NCOA1: variants seen among roughly 807,000 people sequenced by gnomAD.
The protein encoded by NCOA1 is Hin-2 protein.
Under a neutral mutation model 150.9 loss-of-function variants are expected in NCOA1, and 35 were observed. The ratio of observed to expected loss-of-function variants is 0.23; its 90% CI spans 0.18 to 0.31. The LOEUF (loss-of-function observed/expected upper bound fraction) is 0.31, where lower values mean the gene tolerates loss of function less well. Ranked by LOEUF, NCOA1 falls within the 10% of genes least tolerant of loss-of-function variation. The pLI is 1.00. For synonymous variants in NCOA1, 590 were observed against 630.0 expected (o/e 0.94, Z 0.95); for missense variants, 1,491 against 1,749.3 (o/e 0.85, Z 2.63).
intron 22 of NCOA1, chr2:24,767,983 A>G (rs996498117): frequency 1.2e-5 from 15 of 1,221,738 alleles, no homozygotes; most frequent in Admixed American, 3.5e-5. Flanking sequence ...TGGCAACCCT[A>G]TAGGAGGCGT....
Position 24,752,091 on chromosome 2 carries a change from A to G in NCOA1, c.3816A>G (p.Pro1272=). 1 of 1,614,138 alleles carries G rather than the reference A, an allele frequency of 6.2e-7. No homozygotes were observed. The highest frequency in any genetic ancestry group is 2.2e-5 in the East Asian group (1 of 44,884). ...AGAGTTCTCTTCTCCAGCAAACTCC[A>G]CCTGCCTCCGGGTATCAGTCACCAG... is the stretch of plus-strand genomic sequence containing the variant. ...PPQSSLLQQT[P]PASGYQSPDM... is the part of the protein sequence containing the mutation. Residue 1272 remains proline, a synonymous_variant, in exon 20 of 23, where the codon CCA becomes CCG. Coordinates refer to ENST00000348332, the MANE Select transcript of NCOA1 (RefSeq NM_003743.5).
intron 3 of NCOA1, among the ~76,000 whole-genome samples, chr2:24,597,935 C>T (rs758162425): frequency 6.6e-6 from 1 of 152,120 alleles, no homozygotes; most frequent in Non-Finnish European, 1.5e-5. Context: ...CATTTCCCCC[C>T]TCCCCACAAC....
At chr2:24,672,133 AT>A (rs1217853063) in intron 6 of NCOA1, among the ~76,000 whole-genome samples, 1 of 58,342 alleles carries the variant, frequency 1.7e-5, no homozygotes, top group Non-Finnish European at 5.4e-5. Flanking sequence ...GTTTATATAT[AT>A]AACAATATAT....
chr2:24,620,757 A>G (rs1367658146), intron 3 of NCOA1, among the ~76,000 whole-genome samples: 2 of 152,206 alleles, frequency 1.3e-5, no homozygotes, highest in East Asian at 1.9e-4. Flanking sequence ...ATTTTATACA[A>G]ATGTGTTAAG....
At chr2:24,615,419 GA>G (rs1363516611) in intron 3 of NCOA1, among the ~76,000 whole-genome samples, 1 of 152,148 alleles carries the variant, frequency 6.6e-6, no homozygotes, top group Non-Finnish European at 1.5e-5. Context: ...ACATAAAATA[GA>G]ACCTGTAATA....
intron 3 of NCOA1, among the ~76,000 whole-genome samples, chr2:24,595,228 C>T (rs980556163): frequency 6.6e-6 from 1 of 152,014 alleles, no homozygotes; most frequent in African/African-American, 2.4e-5. Flanking sequence ...ATAAATATAA[C>T]TTGTTTTTTA....
rs566876933 is a variant in NCOA1 at position 24,628,953 on chromosome 2, G to A, written c.-174-15013G>A. ...GGTGTGTAAGCAGGATTAGAATAGT[G>A]GATTTGTGTGTGTGCAGGGGAATAG... is the stretch of plus-strand genomic sequence containing the variant. On this transcript the variant is annotated intron_variant, in intron 3 of 22. Transcript: ENST00000348332. 4.6e-5 allele frequency among the ~76,000 whole-genome samples: 7 copies of A among 152,228 alleles called. No homozygotes were observed. In the South Asian group the frequency reaches 1.5e-3, roughly 32 times the overall value.
chr2:24,680,200 T>A (rs779884591), intron 7 of NCOA1, among the ~76,000 whole-genome samples: 2 of 152,178 alleles, frequency 1.3e-5, no homozygotes, highest in Non-Finnish European at 2.9e-5. Flanking sequence ...ATATGGTAGT[T>A]CTATTTTTAA....
chr2:24,641,731 A>G (rs983568024), intron 3 of NCOA1, among the ~76,000 whole-genome samples: 2 of 152,180 alleles, frequency 1.3e-5, no homozygotes, highest in East Asian at 3.9e-4. Context: ...GTTACCATTT[A>G]TATCTTTGTT....
intron 17 of NCOA1, among the ~76,000 whole-genome samples, chr2:24,730,372 C>T (rs1261412094): frequency 6.6e-6 from 1 of 152,168 alleles, no homozygotes; most frequent in East Asian, 1.9e-4. Flanking sequence ...AGACCTATAA[C>T]TTAAAGAACA....
At chr2:24,648,535 C>T (rs1315039054) in intron 4 of NCOA1, among the ~76,000 whole-genome samples, 10 of 152,084 alleles carry the variant, frequency 6.6e-5, no homozygotes, top group Non-Finnish European at 1.3e-4. Context: ...CCTCCTGAAG[C>T]GCTGGGATTA....
intron 8 of NCOA1, among the ~76,000 whole-genome samples, chr2:24,685,102 A>G (rs994020240): frequency 2.0e-5 from 3 of 152,048 alleles, no homozygotes; most frequent in Non-Finnish European, 4.4e-5. Flanking sequence ...TTATTTATAT[A>G]TATATATTCA....
intron 3 of NCOA1, among the ~76,000 whole-genome samples, chr2:24,588,110 G>T (rs1461238885): frequency 6.6e-6 from 1 of 152,004 alleles, no homozygotes; most frequent in African/African-American, 2.4e-5. Flanking sequence ...TTGGAGACAG[G>T]ATCTCATTCT....
At chr2:24,715,536 G>A (rs1023132655) in intron 14 of NCOA1, among the ~76,000 whole-genome samples, 12 of 152,088 alleles carry the variant, frequency 7.9e-5, no homozygotes, top group African/African-American at 2.9e-4. Flanking sequence ...TGAACTAAAT[G>A]AACTTAGCAA....
At chr2:24,614,199 C>CTTTTTATTT (rs1668766058) in intron 3 of NCOA1, among the ~76,000 whole-genome samples, 1 of 9,158 alleles carries the variant, frequency 1.1e-4, no homozygotes, top group Non-Finnish European at 2.0e-4. Flanking sequence ...CATTTCCATT[C>CTTTTTATTT]TTTTTTTTTT....
intron 3 of NCOA1, among the ~76,000 whole-genome samples, chr2:24,621,936 T>C (rs942499920): frequency 4.6e-5 from 7 of 152,232 alleles, no homozygotes; most frequent in African/African-American, 1.7e-4. Context: ...CGTATACTGT[T>C]AGCTGACTGT....
At chr2:24,716,221 T>C (rs1674034782) in intron 14 of NCOA1, among the ~76,000 whole-genome samples, 1 of 142,386 alleles carries the variant, frequency 7.0e-6, no homozygotes, top group Admixed American at 7.2e-5. Context: ...TATATGAGAA[T>C]GCAAAGGTCC....
intron 1 of NCOA1, among the ~76,000 whole-genome samples, chr2:24,541,966 G>C (rs1238007977): frequency 6.6e-6 from 1 of 152,114 alleles, no homozygotes; most frequent in Non-Finnish European, 1.5e-5. Flanking sequence ...ACAGGAAAAA[G>C]ATTTTGGAAA....
chr2:24,592,835 A>G (rs1228961060), intron 3 of NCOA1, among the ~76,000 whole-genome samples: 1 of 152,110 alleles, frequency 6.6e-6, no homozygotes, highest in Non-Finnish European at 1.5e-5. Context: ...TTAAATTAAC[A>G]GTAACGTAGT....
Sources: allele counts gnomAD v4.1 joint callset (sites outside exome capture counted in the v4.1 genomes callset), GRCh38; gene constraint gnomAD v4.1.1; transcripts MANE v1.5; gene names NCBI Gene and HGNC (gene_info 2026-07-23, HGNC 2026-07-21).